Variants in FGD4 observed in about 807,000 individuals in gnomAD.
The protein encoded by FGD4 is FYVE, RhoGEF and PH domain-containing protein 4.
FGD4 carries 42 observed loss-of-function variants against 102.0 expected under a neutral mutation model. The observed-to-expected ratio is 0.41, with a 90% CI of 0.32 to 0.53. FGD4 has a LOEUF of 0.53. Ranked by LOEUF, FGD4 falls within the 20% of genes least tolerant of loss-of-function variation. The pLI is 0.21. For synonymous variants in FGD4, 380 were observed against 375.7 expected (o/e 1.01, Z -0.13); for missense variants, 902 against 1,078.2 (o/e 0.84, Z 2.29).
At chr12:32,457,997 C>CTT (rs5797479) in intron 1 of FGD4, among the ~76,000 whole-genome samples, 30 of 146,348 alleles carry the variant, frequency 2.0e-4, no homozygotes, top group Admixed American at 6.8e-4. Flanking sequence ...TGATTTTTCA[C>CTT]TTTTTTTTTT....
In FGD4 at chr12:32,640,553, T is replaced by C. The variant is rs770496240; in HGVS notation, c.*20T>C. On this transcript the variant is annotated 3_prime_UTR_variant, in exon 17 of 17. Transcript: ENST00000534526. ...TGCTGAACTCCTCCAGGACCAGCCA[T>C]GGTGTGGAGGTCTCAGGACTTACAG... 50 of 1,613,038 alleles carry C rather than the reference T, an allele frequency of 3.1e-5. No individual in the cohort carries two copies. Among genetic ancestry groups the C allele is most frequent in the Non-Finnish European group, 4.1e-5 (48 of 1,180,020 alleles).
At chr12:32,482,303 G>A (rs7961486) in intron 1 of FGD4, among the ~76,000 whole-genome samples, 15,660 of 152,130 alleles carry the variant, frequency 0.1, 1,205 homozygotes, top group East Asian at 0.45. Flanking sequence ...AGATGGGTAG[G>A]GAAAAGAGAA....
chr12:32,590,309 T>TAAAA (rs939160366), intron 4 of FGD4, among the ~76,000 whole-genome samples: 2 of 80,464 alleles, frequency 2.5e-5, no homozygotes, highest in African/African-American at 9.2e-5. Flanking sequence ...AGACTTCATC[T>TAAAA]AAAAAAAAAA....
At chr12:32,461,876 G>A (rs1275987246) in intron 1 of FGD4, among the ~76,000 whole-genome samples, 4 of 151,966 alleles carry the variant, frequency 2.6e-5, no homozygotes, top group Admixed American at 1.3e-4. Context: ...ACGGGTGCCC[G>A]CCACCACGCC....
intron 1 of FGD4, among the ~76,000 whole-genome samples, chr12:32,525,095 C>T (rs1314225386): frequency 6.6e-6 from 1 of 152,142 alleles, no homozygotes; most frequent in Non-Finnish European, 1.5e-5. Context: ...TTTTTCTACT[C>T]CCTATGCCTC....
chr12:32,522,865 C>CT, intron 1 of FGD4, among the ~76,000 whole-genome samples: 1 of 152,356 alleles, frequency 6.6e-6, no homozygotes, highest in Admixed American at 6.5e-5. Flanking sequence ...CTGATGAACA[C>CT]TTCTGTAAAC....
rs1488087554 is a variant in FGD4 at position 32,591,007 on chromosome 12, GAC to G, written c.1012-7488_1012-7487del. ...CAATGAAGGCTTCAGTTTGTGACAA[GAC>G]ATATAAAATGACATATCAAAGTGTT... On this transcript the variant is annotated intron_variant, in intron 4 of 16. Coordinates refer to ENST00000534526, the MANE Select transcript of FGD4 (RefSeq NM_001370298.3). 2.6e-5 allele frequency among the ~76,000 whole-genome samples: 4 copies of G among 152,120 alleles called. 1 individual carries two copies. Among genetic ancestry groups the G allele is most frequent in the Admixed American group, 1.3e-4 (2 of 15,276 alleles).
rs58757170 is a variant in FGD4, at chr12:32,453,203, TA to T, written c.166+53245del. 9.8e-3 allele frequency among the ~76,000 whole-genome samples: 267 copies of T among 27,348 alleles called. 1 individual carries two copies. Among genetic ancestry groups the T allele is most frequent in the Non-Finnish European group, 0.048 (184 of 3,858 alleles). 17.9% of individuals were successfully genotyped at this position (27,348 alleles called of 152,430 possible). A position where few individuals can be genotyped will look rare whatever the true frequency, so the allele number is the denominator to read the frequency against. ...ATATATATATTTTATATATATATTATATATATATATATATATAATATAGATA... is the reference window on the plus strand; with the variant it reads ...ATATATATATTTTATATATATATTATTATATATATATATATAATATAGATA... On this transcript the variant is annotated intron_variant, in intron 1 of 16. Coordinates refer to ENST00000534526, the MANE Select transcript of FGD4 (RefSeq NM_001370298.3).
chr12:32,528,255 CAG>C (rs1423346845), intron 1 of FGD4, among the ~76,000 whole-genome samples: 1 of 152,196 alleles, frequency 6.6e-6, no homozygotes, highest in Non-Finnish European at 1.5e-5. Flanking sequence ...TTCTTCTTAA[CAG>C]TACCGAGTTG....
At position 32,563,445 on chromosome 12, in the gene FGD4, C is replaced by T. The variant is rs11123657; in HGVS notation, c.167-692C>T. Among the ~76,000 whole-genome samples the T allele has an allele frequency of 9.9e-5, 15 of 151,998 alleles. No individual in the cohort carries two copies. The East Asian group carries it at 1.8e-3, about 18-fold the overall frequency. On this transcript the variant is annotated intron_variant, in intron 1 of 16. Coordinates refer to ENST00000534526, the MANE Select transcript of FGD4 (RefSeq NM_001370298.3). ...GCTCCTCAGTTCCTAGATGGGATGG[C>T]GGCCGGGAAGAGGCACTCCTCACTT...
intron 1 of FGD4, among the ~76,000 whole-genome samples, chr12:32,514,636 T>C (rs570631484): frequency 7.9e-4 from 120 of 151,914 alleles, no homozygotes; most frequent in African/African-American, 2.8e-3. Context: ...CTCAGCCTCC[T>C]GTGTAGCTGG....
At chr12:32,637,599 G>GAATAAATA (rs57438856) in intron 15 of FGD4, 18,380 of 147,058 alleles carry the variant, frequency 0.12, 1,450 homozygotes, top group Middle Eastern at 0.26. Context: ...CCATCTCTAT[G>GAATAAATA]AATAAATAAA....
At position 32,580,344 on chromosome 12, in the gene FGD4, C is replaced by T. The variant is rs115967634; in HGVS notation, c.504-1616C>T. ...CTTAGTAAGCACTTAATAAATGTTTCTGGCTGTTATTATTGTCACAATCAT... is the reference window on the plus strand; with the variant it reads ...CTTAGTAAGCACTTAATAAATGTTTTTGGCTGTTATTATTGTCACAATCAT... On this transcript the variant is annotated intron_variant, in intron 3 of 16. Transcript: ENST00000534526. 6.8e-3 allele frequency among the ~76,000 whole-genome samples: 1,029 copies of T among 152,258 alleles called. 8 individuals carry two copies. The highest frequency in any genetic ancestry group is 0.023 in the African/African-American group (974 of 41,562).
At chr12:32,508,917 T>TGC (rs1357944438) in intron 1 of FGD4, among the ~76,000 whole-genome samples, 18 of 152,374 alleles carry the variant, frequency 1.2e-4, no homozygotes, top group South Asian at 2.1e-4. Context: ...TTTGGGTGCG[T>TGC]GCGCACACAC....
intron 15 of FGD4, among the ~76,000 whole-genome samples, chr12:32,637,039 T>C (rs1201022154): frequency 9.3e-6 from 1 of 107,812 alleles, no homozygotes; most frequent in Non-Finnish European, 1.8e-5. Context: ...CCTGGCTAAT[T>C]TTTTTCTTCT....
intron 1 of FGD4, among the ~76,000 whole-genome samples, chr12:32,527,385 C>T (rs555864029): frequency 6.6e-6 from 1 of 151,888 alleles, no homozygotes; most frequent in Non-Finnish European, 1.5e-5. Flanking sequence ...CTCACTTGAC[C>T]AGGGGCACCA....
chr12:32,568,651 T>A (rs1212497943), intron 2 of FGD4, among the ~76,000 whole-genome samples: 1 of 152,230 alleles, frequency 6.6e-6, no homozygotes, highest in Non-Finnish European at 1.5e-5. Flanking sequence ...AGCCACATTG[T>A]TGTTTGAGTA....
At chr12:32,561,057 G>C (rs1944506569) in intron 1 of FGD4, among the ~76,000 whole-genome samples, 1 of 119,240 alleles carries the variant, frequency 8.4e-6, no homozygotes, top group Non-Finnish European at 1.8e-5. Context: ...CAGAAATGTG[G>C]TTTCTTTGTT....
intron 1 of FGD4, among the ~76,000 whole-genome samples, chr12:32,432,226 A>AT (rs1312715829): frequency 6.6e-6 from 1 of 151,362 alleles, no homozygotes; most frequent in Non-Finnish European, 1.5e-5. Context: ...TGCCCAGCTA[A>AT]TTTTTTGTAT....
Sources: allele counts gnomAD v4.1 joint callset (sites outside exome capture counted in the v4.1 genomes callset), GRCh38; gene constraint gnomAD v4.1.1; transcripts MANE v1.5; gene names NCBI Gene and HGNC (gene_info 2026-07-23, HGNC 2026-07-21).